The following ITGAL variants were observed in gnomAD, a reference collection of about 807,000 sequenced individuals.
The protein encoded by ITGAL is integrin alpha-L.
In ITGAL, 68 loss-of-function variants were observed where a neutral mutation model predicts 138.4. The ratio of observed to expected loss-of-function variants is 0.49; its 90% CI spans 0.40 to 0.60. The LOEUF (loss-of-function observed/expected upper bound fraction) is 0.60. Ranked by LOEUF, ITGAL falls within the 20% of genes least tolerant of loss-of-function variation. The pLI, the probability that ITGAL is intolerant of heterozygous loss-of-function variation, is 0.00. For missense variants in ITGAL, 1,256 were observed against 1,478.6 expected (o/e 0.85, Z 2.47); for synonymous variants, 561 against 584.3 (o/e 0.96, Z 0.57).
intron 14 of ITGAL, 56 bp from the exon 15 acceptor site, chr16:30,496,380 C>T: frequency 6.2e-7 from 1 of 1,612,780 alleles, no homozygotes. Context: ...CCCGATCCTT[C>T]CCTCCCTCCA....
rs2051176505 is a variant in ITGAL at position 30,517,018 on chromosome 16, G to A, written c.2908G>A (p.Glu970Lys). ...SIHDHNIPTL[E>K]AVVGVPQPPS... ...CCACGACCACAACATACCCACCCTG[G>A]AGGCTGTGGTTGGGGTGCCACAGCC... The change falls in exon 26 of 31, where the codon GAG becomes AAG. Residue 970 changes from glutamate (E) to lysine (K), a missense_variant. By Grantham distance (56) the Glu-to-Lys change is moderately conservative. Coordinates refer to ENST00000356798, the MANE Select transcript of ITGAL (RefSeq NM_002209.3). The A allele has an allele frequency of 6.2e-7, 1 of 1,613,818 alleles. No individual in the cohort carries two copies. The highest frequency in any genetic ancestry group is 1.3e-5 in the African/African-American group (1 of 74,928).
chr16:30,475,154 G>A (rs916362998), intron 2 of ITGAL, 152 bp from the exon 3 acceptor site: 38 of 623,092 alleles, frequency 6.1e-5, no homozygotes, highest in African/African-American at 5.3e-4. Context: ...TTACAGGCAT[G>A]AGCCACCCCA....
chr16:30,486,503 T>TA (rs938436972), intron 9 of ITGAL, among the ~76,000 whole-genome samples: 1 of 151,800 alleles, frequency 6.6e-6, no homozygotes, highest in Non-Finnish European at 1.5e-5. Flanking sequence ...AGTGATTTTT[T>TA]AAAAAAAAGT....
chr16:30,519,689 T>A, intron 29 of ITGAL, 168 bp from the exon 30 acceptor site: 1 of 641,104 alleles, frequency 1.6e-6, no homozygotes, highest in Non-Finnish European at 2.8e-6. Flanking sequence ...GGCCAACTCA[T>A]GGCAGCGACT....
At chr16:30,517,981 T>C in intron 28 of ITGAL, 86 bp downstream of exon 28, 1 of 1,025,970 alleles carries the variant, frequency 9.7e-7, no homozygotes, top group Non-Finnish European at 1.5e-6. Flanking sequence ...CCAGATAGTC[T>C]GCCTCCATTT....
At chr16:30,507,565 G>A (rs911636387) in intron 21 of ITGAL, among the ~76,000 whole-genome samples, 2 of 151,580 alleles carry the variant, frequency 1.3e-5, no homozygotes, top group Non-Finnish European at 2.9e-5. Context: ...CAGGAGAATC[G>A]TTTGAATCTG....
rs2051257907 is a variant in ITGAL, at chr16:30,521,766, C to T, written c.*101C>T. 4 of 1,108,934 alleles carry T rather than the reference C, an allele frequency of 3.6e-6. No homozygotes were observed. In the African/African-American group the frequency reaches 6.3e-5, roughly 17 times the overall value. The allele number at this position is 1,108,934 out of a possible 1,614,324, so 68.7% of individuals were successfully genotyped here. A position where few individuals can be genotyped will look rare whatever the true frequency, so the allele number is the denominator to read the frequency against. On this transcript the variant is annotated 3_prime_UTR_variant, in exon 31 of 31. Transcript: ENST00000356798. ...CTGCCGTGTGCCCTCGGGCGAGTCACTGCCTCTCCCTGGCCCTCAGTTTCC... is the reference window on the plus strand; with the variant it reads ...CTGCCGTGTGCCCTCGGGCGAGTCATTGCCTCTCCCTGGCCCTCAGTTTCC...
intron 24 of ITGAL, among the ~76,000 whole-genome samples, chr16:30,512,443 T>A (rs2051103334): frequency 6.6e-6 from 1 of 151,622 alleles, no homozygotes. Context: ...AAAAATTAGC[T>A]CGGCGTTGTG....
At chr16:30,475,952 A>C (rs2050465340) in intron 4 of ITGAL, among the ~76,000 whole-genome samples, 1 of 151,818 alleles carries the variant, frequency 6.6e-6, no homozygotes, top group South Asian at 2.1e-4. Flanking sequence ...GAGTGTCACC[A>C]TGTTGCCCAG....
At chr16:30,495,005 T>A in intron 13 of ITGAL, 155 bp downstream of exon 13, 1 of 747,986 alleles carries the variant, frequency 1.3e-6, no homozygotes, top group Non-Finnish European at 2.1e-6. Context: ...GGAAAGACTG[T>A]ATGCAGGGTC....
chr16:30,501,143 G>A (rs2050891917), intron 17 of ITGAL, among the ~76,000 whole-genome samples: 1 of 151,942 alleles, frequency 6.6e-6, no homozygotes, highest in African/African-American at 2.4e-5. Flanking sequence ...ACCGTGCCCA[G>A]CAGCTTCTAC....
chr16:30,503,910 A>G, intron 17 of ITGAL: 1 of 300,436 alleles, frequency 3.3e-6, no homozygotes, highest in Non-Finnish European at 6.2e-6. Flanking sequence ...GGCTTCAGTT[A>G]GGACACAGTG....
At chr16:30,508,307 A>G (rs9746755) in intron 21 of ITGAL, among the ~76,000 whole-genome samples, 76,154 of 141,382 alleles carry the variant, frequency 0.54, 20,248 homozygotes, top group South Asian at 0.78. Flanking sequence ...TCCGCCTCCC[A>G]GGTTCAAGTG....
Position 30,497,260 on chromosome 16 carries a change from G to A in ITGAL, c.1832+694G>A, listed in dbSNP as rs1208402034. On this transcript the variant is annotated intron_variant, in intron 15 of 30. Transcript: ENST00000356798. ...CGGGAGGCTGAGGCAGGAGAATGGC[G>A]TGAACCCAGGAGGCGGAGCTTGCAG... Among the ~76,000 whole-genome samples, 4 of 151,446 alleles carry A rather than the reference G, an allele frequency of 2.6e-5. 1 individual carries two copies. Among genetic ancestry groups the A allele is most frequent in the Non-Finnish European group, 4.4e-5 (3 of 67,844 alleles).
At chr16:30,498,870 C>A in intron 15 of ITGAL, 1 of 539,142 alleles carries the variant, frequency 1.9e-6, no homozygotes, top group Middle Eastern at 5.1e-4. Flanking sequence ...CACTGCACTC[C>A]AGCCTGGGCA....
chr16:30,518,669 A>G lies in ITGAL; in HGVS notation c.3178A>G (p.Asn1060Asp), dbSNP rs2051207501. The stretch of plus-strand genomic sequence containing the variant: ...CTGCAGCTCCCTCTCCATCTCCTTC[A>G]ACAGCAGCAAGCATTTCCACCTCTA... ...SLCSSLSISF[N>D]SSKHFHLYGS... Residue 1060 changes from asparagine to aspartate, a missense_variant, in exon 29 of 31, where the codon AAC (asparagine) becomes GAC (aspartate). Coordinates refer to ENST00000356798, the MANE Select transcript of ITGAL (RefSeq NM_002209.3). The G allele has an allele frequency of 6.2e-7, 1 of 1,613,842 alleles. No individual in the cohort carries two copies. The highest frequency in any genetic ancestry group is 1.3e-5 in the African/African-American group (1 of 74,860).
chr16:30,490,696 G>A (rs1337388538), intron 11 of ITGAL, among the ~76,000 whole-genome samples: 1 of 152,086 alleles, frequency 6.6e-6, no homozygotes, highest in Non-Finnish European at 1.5e-5. Context: ...TTATTAGTAA[G>A]AGGACTGGCC....
intron 24 of ITGAL, among the ~76,000 whole-genome samples, chr16:30,511,407 G>A (rs943377563): frequency 6.6e-6 from 1 of 152,208 alleles, no homozygotes; most frequent in Non-Finnish European, 1.5e-5. Context: ...AGGGCCAGCT[G>A]CACTGCGCAG....
intron 14 of ITGAL, 32 bp from the exon 15 acceptor site, chr16:30,496,404 C>A (rs773763356): frequency 1.2e-6 from 2 of 1,614,040 alleles, no homozygotes; most frequent in Non-Finnish European, 1.7e-6. Context: ...TACCTCTCCT[C>A]AGCTTAGTGG....
Sources: allele counts gnomAD v4.1 joint callset (sites outside exome capture counted in the v4.1 genomes callset), GRCh38; gene constraint gnomAD v4.1.1; transcripts MANE v1.5; gene names NCBI Gene and HGNC (gene_info 2026-07-23, HGNC 2026-07-21).